D2HGDH: variants seen among roughly 807,000 people sequenced by gnomAD.
The protein encoded by D2HGDH is D-2-hydroxyglutarate dehydrogenase, mitochondrial.
In D2HGDH, 31 loss-of-function variants were observed where a neutral mutation model predicts 46.9. That is an observed-to-expected ratio of 0.66 (90% confidence interval 0.50 to 0.89). D2HGDH has a LOEUF of 0.89. Among genes scored for constraint, D2HGDH ranks in the 40% least tolerant of loss-of-function variants. The probability of loss-of-function intolerance (pLI) is 0.00; values close to 1 mark genes in which losing one functional copy is unlikely to be tolerated. For missense variants in D2HGDH, 698 were observed against 720.8 expected (o/e 0.97, Z 0.36); for synonymous variants, 364 against 332.6 (o/e 1.09, Z -1.03).
chr2:241,748,326 G>A (rs190687259), intron 6 of D2HGDH, among the ~76,000 whole-genome samples: 20 of 152,244 alleles, frequency 1.3e-4, no homozygotes, highest in African/African-American at 4.6e-4. Context: ...TTGCCATGTT[G>A]GCCAGGCTGG....
intron 9 of D2HGDH, among the ~76,000 whole-genome samples, chr2:241,761,714 G>T (rs1698839520): frequency 6.6e-6 from 1 of 152,104 alleles, no homozygotes; most frequent in African/African-American, 2.4e-5. Context: ...GTTCTGCCTT[G>T]TTCAGTCACA....
chr2:241,738,226 G>T (rs1402382591), intron 2 of D2HGDH, among the ~76,000 whole-genome samples: 1 of 152,198 alleles, frequency 6.6e-6, no homozygotes, highest in East Asian at 1.9e-4. Flanking sequence ...TGCACACCAT[G>T]GCCCAGGGCC....
rs563398631 is a variant in D2HGDH, at chr2:241,738,304, C to T, written c.293-2729C>T. On this transcript the variant is annotated intron_variant, in intron 2 of 9. Coordinates refer to ENST00000321264, the MANE Select transcript of D2HGDH (RefSeq NM_152783.5). ...ACGCCCACCCTGGGCTTGGCTAAGT[C>T]GGGCCCCAGTCCTGGCTCAGCACTG... Among the ~76,000 whole-genome samples the T allele has an allele frequency of 1.0e-3, 159 of 152,322 alleles. 2 individuals are homozygous for T. Among genetic ancestry groups the T allele is most frequent in the African/African-American group, 3.4e-3 (143 of 41,574 alleles).
chr2:241,747,544 G>A (rs1162094112), intron 6 of D2HGDH, among the ~76,000 whole-genome samples: 2 of 90,228 alleles, frequency 2.2e-5, no homozygotes, highest in Non-Finnish European at 4.2e-5. Flanking sequence ...TATCAGGAGA[G>A]TGTTTTTTTT....
At chr2:241,739,976 T>C (rs984604888) in intron 2 of D2HGDH, among the ~76,000 whole-genome samples, 3 of 152,010 alleles carry the variant, frequency 2.0e-5, no homozygotes, top group African/African-American at 7.3e-5. Context: ...GAAACCCTGT[T>C]TCTACTAAAA....
At chr2:241,750,402 C>CCCGGGCGGGG in intron 7 of D2HGDH, 108 bp downstream of exon 7, 1 of 167,708 alleles carries the variant, frequency 6.0e-6, no homozygotes, top group Non-Finnish European at 1.1e-5. Flanking sequence ...CCCGGGCGGG[C>CCCGGGCGGGG]GGGTGGGGGG....
chr2:241,735,442 T>C lies in D2HGDH; in HGVS notation c.218T>C (p.Ile73Thr), dbSNP rs1381869068. 1 of 1,609,892 alleles carries C rather than the reference T, an allele frequency of 6.2e-7. No homozygotes were observed. Residue 73 changes from isoleucine (I) to threonine (T), a missense_variant, in exon 2 of 10, where the codon ATC becomes ACC. Transcript: ENST00000321264. ...CAGGACCTGGCCGCCTTTGAGCGCATCGTGCCCGGCGGGGTCGTCACGGAC... is the reference window on the plus strand; with the variant it reads ...CAGGACCTGGCCGCCTTTGAGCGCACCGTGCCCGGCGGGGTCGTCACGGAC... ...SKQDLAAFER[I>T]VPGGVVTDPE...
intron 8 of D2HGDH, among the ~76,000 whole-genome samples, 191 bp downstream of exon 8, chr2:241,751,579 A>G (rs1697208385): frequency 6.6e-6 from 1 of 152,132 alleles, no homozygotes; most frequent in African/African-American, 2.4e-5. Context: ...GGCCATTTTC[A>G]TTAATATTTA....
At chr2:241,737,416 C>G (rs1693221455) in intron 2 of D2HGDH, among the ~76,000 whole-genome samples, 1 of 152,280 alleles carries the variant, frequency 6.6e-6, no homozygotes. Flanking sequence ...CAGTGGCATA[C>G]AAGTCTGTGC....
intron 9 of D2HGDH, among the ~76,000 whole-genome samples, chr2:241,756,960 C>T (rs1042409243): frequency 2.0e-5 from 3 of 152,294 alleles, no homozygotes; most frequent in Middle Eastern, 6.8e-3. Flanking sequence ...CTTCCCTGGC[C>T]TGGTGGCACT....
At chr2:241,758,560 G>C (rs1698408829) in intron 9 of D2HGDH, among the ~76,000 whole-genome samples, 1 of 152,026 alleles carries the variant, frequency 6.6e-6, no homozygotes, top group Non-Finnish European at 1.5e-5. Context: ...TCGACCTTCT[G>C]GGATCAAGCA....
At chr2:241,755,344 A>G (rs1423787903) in intron 8 of D2HGDH, 1 of 1,291,690 alleles carries the variant, frequency 7.7e-7, no homozygotes, top group Non-Finnish European at 1.0e-6. Flanking sequence ...TGTTGTCCCC[A>G]CTGCCTGTGT....
At chr2:241,737,842 C>T (rs1179511387) in intron 2 of D2HGDH, among the ~76,000 whole-genome samples, 4 of 152,168 alleles carry the variant, frequency 2.6e-5, no homozygotes, top group African/African-American at 4.8e-5. Flanking sequence ...ATATTTAAAC[C>T]TGTGGAACTG....
In D2HGDH at chr2:241,742,216, G is replaced by A. The variant is rs1298168629; in HGVS notation, c.351-219G>A. Among the ~76,000 whole-genome samples, 2 of 152,158 alleles carry A rather than the reference G, an allele frequency of 1.3e-5. No individual in the cohort carries two copies. Among genetic ancestry groups the A allele is most frequent in the African/African-American group, 4.8e-5 (2 of 41,424 alleles). On this transcript the variant is annotated intron_variant, in intron 3 of 9. Coordinates refer to ENST00000321264, the MANE Select transcript of D2HGDH (RefSeq NM_152783.5). The surrounding 1 kb of genome is among the most constrained non-coding windows in gnomAD (Gnocchi z 4.8). ...AGCCTTGTAGGACGTCAGAATCGGG[G>A]CCTCCACTTCCGTCTCCCTGTGCAC...
rs1559358419 is a variant in D2HGDH, at chr2:241,743,118, A to AGGGTGCCAGGGCGTGGCAGGCG, written c.491-504_491-503insGGGTGCCAGGGCGTGGCAGGCG. ...CCCAGGGTGCCAGGGCGTGGCAGGCATGAGGGGATCCTGACCCAGGGCGCC... is the reference window on the plus strand; with the variant it reads ...CCCAGGGTGCCAGGGCGTGGCAGGCAGGGTGCCAGGGCGTGGCAGGCGTGAGGGGATCCTGACCCAGGGCGCC... On this transcript the variant is annotated intron_variant, in intron 4 of 9. Coordinates refer to ENST00000321264, the MANE Select transcript of D2HGDH (RefSeq NM_152783.5). This position sits in a 1 kb window ranked among gnomAD's most constrained non-coding sequence, Gnocchi z 4.8. Among the ~76,000 whole-genome samples, 1 of 42,234 alleles carries AGGGTGCCAGGGCGTGGCAGGCG rather than the reference A, an allele frequency of 2.4e-5. No individual in the cohort carries two copies. Among genetic ancestry groups the AGGGTGCCAGGGCGTGGCAGGCG allele is most frequent in the Non-Finnish European group, 4.5e-5 (1 of 21,982 alleles). The allele number at this position is 42,234 out of a possible 152,430, so 27.7% of individuals were successfully genotyped here. A position where few individuals can be genotyped will look rare whatever the true frequency, so the allele number is the denominator to read the frequency against.
Position 241,750,228 on chromosome 2 carries a change from G to C in D2HGDH, c.931G>C (p.Glu311Gln). Residue 311 changes from glutamate to glutamine, a missense_variant, in exon 7 of 10, where the codon GAG becomes CAG. Physicochemically the swap from Glu to Gln is conservative, Grantham distance 29 (BLOSUM62 2). Transcript: ENST00000321264. Reference sequence around the variant, plus strand: ...GCTGGGTGAGATCCTGTCTGCATTCGAGTTCATGGATGCTGTGTGCATGCA... The same window carrying C: ...GCTGGGTGAGATCCTGTCTGCATTCCAGTTCATGGATGCTGTGTGCATGCA... ...GMLGEILSAF[E>Q]FMDAVCMQLV... 3.1e-6 allele frequency: 5 copies of C among 1,614,062 alleles called. No individual in the cohort carries two copies. Among genetic ancestry groups the C allele is most frequent in the Non-Finnish European group, 4.2e-6 (5 of 1,180,028 alleles).
chr2:241,740,463 C>T (rs1022561056), intron 2 of D2HGDH, among the ~76,000 whole-genome samples: 1 of 152,220 alleles, frequency 6.6e-6, no homozygotes, highest in South Asian at 2.1e-4. Context: ...ATGGGCCCAG[C>T]CTTACCCACT....
chr2:241,751,482 C>G (rs1423451924), intron 8 of D2HGDH, 94 bp downstream of exon 8: 1 of 1,554,494 alleles, frequency 6.4e-7, no homozygotes, highest in Non-Finnish European at 8.7e-7. Context: ...GCAGCCTAGA[C>G]AGTGTGGGAT....
Position 241,743,889 on chromosome 2 carries a change from T to A in D2HGDH, c.684+74T>A. On this transcript the variant is annotated intron_variant, in intron 5 of 9. Transcript: ENST00000321264. This position sits in a 1 kb window ranked among gnomAD's most constrained non-coding sequence, Gnocchi z 4.8. ...TCACGGCTCTCATGGGCCCACGTGGTGGCACAGGTGCATGGGGCCCCTCGG... is the reference window on the plus strand; with the variant it reads ...TCACGGCTCTCATGGGCCCACGTGGAGGCACAGGTGCATGGGGCCCCTCGG... The A allele has an allele frequency of 6.6e-7, 1 of 1,515,182 alleles. No homozygotes were observed. Among genetic ancestry groups the A allele is most frequent in the South Asian group, 1.2e-5 (1 of 82,940 alleles). The allele number at this position is 1,515,182 out of a possible 1,614,324, so 93.9% of individuals were successfully genotyped here.
Sources: allele counts gnomAD v4.1 joint callset (sites outside exome capture counted in the v4.1 genomes callset), GRCh38; gene constraint gnomAD v4.1.1; non-coding constraint Gnocchi (gnomAD v3.1); transcripts MANE v1.5; gene names NCBI Gene and HGNC (gene_info 2026-07-23, HGNC 2026-07-21).